The following SMAD7 variants were observed in gnomAD, a reference collection of about 807,000 sequenced individuals.
SMAD7 encodes SMAD family member 7.
SMAD7 carries 8 observed loss-of-function variants against 38.7 expected under a neutral mutation model. The ratio of observed to expected loss-of-function variants is 0.21; its 90% CI spans 0.12 to 0.37. The LOEUF is 0.37. Among genes scored for constraint, SMAD7 ranks in the 10% least tolerant of loss-of-function variants. SMAD7 has a pLI of 1.00. For synonymous variants in SMAD7, 327 were observed against 265.1 expected (o/e 1.23, Z -2.27); for missense variants, 477 against 577.9 (o/e 0.83, Z 1.79).
At chr18:48,923,934 C>T (rs151309797) in intron 3 of SMAD7, among the ~76,000 whole-genome samples, 113 of 152,298 alleles carry the variant, frequency 7.4e-4, no homozygotes, top group African/African-American at 2.6e-3. Context: ...TATCCATCAA[C>T]TGCTAATAAA....
intron 3 of SMAD7, among the ~76,000 whole-genome samples, chr18:48,938,938 A>C (rs1367425161): frequency 6.6e-6 from 1 of 152,142 alleles, no homozygotes; most frequent in Non-Finnish European, 1.5e-5. Context: ...CACCCATCCC[A>C]GAGAGTCAGG....
Position 48,950,409 on chromosome 18 carries a change from G to T in SMAD7, c.16C>A (p.Arg6=). The change falls in exon 1 of 4, where the codon CGA becomes AGA. Residue 6 remains arginine (R), a synonymous_variant. Transcript: ENST00000262158. MFRTK[R]SALVRRLWRS... ...CAGAGACGCCGGACGAGCGCAGATC[G>T]TTTGGTCCTGAACATGCGGGGCGAG... 1.3e-6 allele frequency: 2 copies of T among 1,553,522 alleles called. No individual in the cohort carries two copies. The highest frequency in any genetic ancestry group is 1.7e-6 in the Non-Finnish European group (2 of 1,151,550).
Position 48,950,184 on chromosome 18 carries a change from C to T in SMAD7, c.241G>A (p.Gly81Ser). The T allele has an allele frequency of 2.7e-6, 4 of 1,484,288 alleles. No homozygotes were observed. The highest frequency in any genetic ancestry group is 3.6e-6 in the Non-Finnish European group (4 of 1,123,878). 91.9% of individuals were successfully genotyped at this position (1,484,288 alleles called of 1,614,324 possible). The change falls in exon 1 of 4, where the codon GGC (glycine) becomes AGC (serine). Residue 81 changes from glycine to serine, a missense_variant. By Grantham distance (56) the Gly-to-Ser change is moderately conservative. Around this residue, in one of 2 missense-constraint regions of SMAD7, gnomAD observed 376 missense variants for 379.4 expected, o/e 0.99. Transcript: ENST00000262158. ...TCGGCGCCCCCGGCCGCGCCGGCGC[C>T]CGCGGCTGGCGGGTGGGGATGGTGG... ...GHHHPHPPAA[G>S]AGAAGGAEAD...
intron 3 of SMAD7, among the ~76,000 whole-genome samples, chr18:48,922,870 G>C (rs2069879306): frequency 6.6e-6 from 1 of 152,072 alleles, no homozygotes; most frequent in Admixed American, 6.6e-5. Context: ...TCCCTACACA[G>C]TCTTCCCACA....
At chr18:48,934,583 T>A (rs532444277) in intron 3 of SMAD7, among the ~76,000 whole-genome samples, 2 of 152,034 alleles carry the variant, frequency 1.3e-5, no homozygotes, top group Admixed American at 6.5e-5. Context: ...GCCTTACCAT[T>A]TGGGGAAGGA....
intron 3 of SMAD7, among the ~76,000 whole-genome samples, chr18:48,925,067 G>T (rs974751113): frequency 2.0e-5 from 3 of 152,208 alleles, no homozygotes; most frequent in Admixed American, 2.0e-4. Context: ...TGCTCCCAGG[G>T]ACTTCCCGGG....
intron 3 of SMAD7, among the ~76,000 whole-genome samples, chr18:48,933,054 T>A (rs571395545): frequency 6.6e-6 from 1 of 152,278 alleles, no homozygotes; most frequent in African/African-American, 2.4e-5. Flanking sequence ...CCACAGCTCC[T>A]GTTCTTCCTG....
intron 3 of SMAD7, among the ~76,000 whole-genome samples, chr18:48,941,261 T>A (rs1186383960): frequency 6.6e-6 from 1 of 152,196 alleles, no homozygotes; most frequent in Non-Finnish European, 1.5e-5. Flanking sequence ...TCTAGGTCCC[T>A]CTTTTTCCTG....
intron 3 of SMAD7, among the ~76,000 whole-genome samples, chr18:48,937,686 G>A (rs2070087278): frequency 6.6e-6 from 1 of 152,198 alleles, no homozygotes. Flanking sequence ...TCATCCTGTT[G>A]GCAGGTGTTT....
At chr18:48,935,003 A>G (rs1339389422) in intron 3 of SMAD7, among the ~76,000 whole-genome samples, 1 of 152,178 alleles carries the variant, frequency 6.6e-6, no homozygotes, top group African/African-American at 2.4e-5. Flanking sequence ...CCTATCAAAA[A>G]ATGTCCCCAT....
Position 48,920,434 on chromosome 18 carries a change from C to G in SMAD7, c.*938G>C, listed in dbSNP as rs995081325. The G allele has an allele frequency of 6.6e-6, 1 of 152,374 alleles. No homozygotes were observed. The highest frequency in any genetic ancestry group is 1.5e-5 in the Non-Finnish European group (1 of 68,088). 9.4% of individuals were successfully genotyped at this position (152,374 alleles called of 1,614,324 possible). ...AGCATGTCCCTCCCAGGGACATCCCCGCTTGCTGGCCTAATAGCAGAGCTT... is the reference window on the plus strand; with the variant it reads ...AGCATGTCCCTCCCAGGGACATCCCGGCTTGCTGGCCTAATAGCAGAGCTT... On this transcript the variant is annotated 3_prime_UTR_variant, in exon 4 of 4. Coordinates refer to ENST00000262158, the MANE Select transcript of SMAD7 (RefSeq NM_005904.4).
intron 3 of SMAD7, among the ~76,000 whole-genome samples, chr18:48,928,060 G>A (rs984502341): frequency 6.6e-6 from 1 of 152,220 alleles, no homozygotes; most frequent in African/African-American, 2.4e-5. Flanking sequence ...TGCTGCACCA[G>A]CTTTTAGAGC....
chr18:48,938,334 C>T (rs1357078343), intron 3 of SMAD7, among the ~76,000 whole-genome samples: 2 of 152,182 alleles, frequency 1.3e-5, no homozygotes, highest in Non-Finnish European at 2.9e-5. Flanking sequence ...GAGTTGGCCA[C>T]CCTTGGGTTG....
chr18:48,948,458 G>T, intron 1 of SMAD7, 21 bp from the exon 2 acceptor site: 1 of 1,541,514 alleles, frequency 6.5e-7, no homozygotes. Context: ...AAAAGCAAGA[G>T]AAAATAAAGG....
intron 2 of SMAD7, among the ~76,000 whole-genome samples, chr18:48,943,838 G>GC (rs11395059): frequency 0.4 from 60,477 of 151,972 alleles, 14,123 homozygotes; most frequent in African/African-American, 0.66. Flanking sequence ...TCTGCTGTCT[G>GC]CCCTCTTAAT....
chr18:48,948,339 T>G, intron 2 of SMAD7, 45 bp downstream of exon 2: 1 of 1,416,458 alleles, frequency 7.1e-7, no homozygotes, highest in East Asian at 2.4e-5. Flanking sequence ...GAGGCTCTAT[T>G]TCTAACTTAA....
chr18:48,939,555 G>C (rs1209179339), intron 3 of SMAD7, among the ~76,000 whole-genome samples: 1 of 151,710 alleles, frequency 6.6e-6, no homozygotes, highest in Non-Finnish European at 1.5e-5. Context: ...ACCGGCCTTT[G>C]AGCACACCCC....
intron 3 of SMAD7, among the ~76,000 whole-genome samples, chr18:48,933,999 A>ACGGCTCCTTGGCAGCACGGGC (rs2070034497): frequency 6.6e-6 from 1 of 152,152 alleles, no homozygotes; most frequent in Admixed American, 6.5e-5. Context: ...TGTCCTAAAG[A>ACGGCTCCTTGGCAGCACGGGC]CGGCTCCTTG....
chr18:48,921,441 G>GC lies in SMAD7; in HGVS notation c.1211dup (p.Gln405ProfsTer32). 6.2e-7 allele frequency: 1 copy of GC among 1,614,046 alleles called. No homozygotes were observed. Among genetic ancestry groups the GC allele is most frequent in the Non-Finnish European group, 8.5e-7 (1 of 1,179,946 alleles). On this transcript the variant is annotated frameshift_variant, in exon 4 of 4. Coordinates refer to ENST00000262158, the MANE Select transcript of SMAD7 (RefSeq NM_005904.4). LOFTEE classifies it high-confidence loss of function. This position sits in a 1 kb window ranked among gnomAD's most constrained non-coding sequence, Gnocchi z 6.4. ...TGATGAACTGGCGGGTGTAGCACTGGCCCCAGCCCTTCACAAAGCTGATCT... is the reference window on the plus strand; with the variant it reads ...TGATGAACTGGCGGGTGTAGCACTGGCCCCCAGCCCTTCACAAAGCTGATCT...
Sources: gnomAD v4.1 joint callset for allele counts (sites outside exome capture counted in the v4.1 genomes callset) on GRCh38, gnomAD v4.1.1 for gene constraint, gnomAD v4.1.1 regional missense constraint, Gnocchi (gnomAD v3.1) non-coding constraint, MANE v1.5 for transcripts, NCBI Gene and HGNC (gene_info 2026-07-23, HGNC 2026-07-21) for gene names.